The following CTNNA2 variants were observed in gnomAD, a reference collection of about 807,000 sequenced individuals.
The protein encoded by CTNNA2 is catenin alpha 2.
CTNNA2 carries 42 observed loss-of-function variants against 101.0 expected under a neutral mutation model. The ratio of observed to expected loss-of-function variants is 0.42; its 90% CI spans 0.32 to 0.54. The LOEUF is 0.54. Among genes scored for constraint, CTNNA2 ranks in the 20% least tolerant of loss-of-function variants. The probability of loss-of-function intolerance (pLI) is 0.14; values close to 1 mark genes in which losing one functional copy is unlikely to be tolerated. For synonymous variants in CTNNA2, 450 were observed against 456.4 expected (o/e 0.99, Z 0.18); for missense variants, 871 against 1,223.1 (o/e 0.71, Z 4.29).
intron 7 of CTNNA2, among the ~76,000 whole-genome samples, chr2:80,326,783 G>C (rs1235762092): frequency 6.6e-6 from 1 of 152,048 alleles, no homozygotes; most frequent in Non-Finnish European, 1.5e-5. Flanking sequence ...AGGAAGATGG[G>C]TTTGATTAGA....
chr2:79,817,084 G>A (rs1677566726), intron 3 of CTNNA2, among the ~76,000 whole-genome samples: 1 of 151,340 alleles, frequency 6.6e-6, no homozygotes, highest in East Asian at 1.9e-4. Flanking sequence ...TGTGCCCAAC[G>A]TGCAGGTTTG....
At chr2:80,494,397 T>C (rs1170977198) in intron 9 of CTNNA2, among the ~76,000 whole-genome samples, 1 of 152,116 alleles carries the variant, frequency 6.6e-6, no homozygotes, top group Non-Finnish European at 1.5e-5. Flanking sequence ...CCAAATACAT[T>C]CATGAAAAGA....
intron 2 of CTNNA2, among the ~76,000 whole-genome samples, chr2:79,240,600 AT>A (rs1674614434): frequency 6.6e-6 from 1 of 152,182 alleles, no homozygotes. Context: ...GATCAAAGGA[AT>A]GATCATAATT....
intron 4 of CTNNA2, among the ~76,000 whole-genome samples, chr2:79,400,759 C>T (rs2198159): frequency 0.79 from 119,292 of 151,700 alleles, 47,062 homozygotes; most frequent in East Asian, 0.93. Flanking sequence ...CAAAAACTTA[C>T]CAAATTTTAT....
chr2:80,568,024 T>C (rs1694217912), intron 12 of CTNNA2, among the ~76,000 whole-genome samples: 1 of 152,172 alleles, frequency 6.6e-6, no homozygotes, highest in Admixed American at 6.5e-5. Flanking sequence ...TCACCACAGT[T>C]GGGTGACCCC....
intron 7 of CTNNA2, among the ~76,000 whole-genome samples, chr2:80,331,481 G>A (rs1025143489): frequency 3.3e-5 from 5 of 152,148 alleles, no homozygotes; most frequent in Non-Finnish European, 7.3e-5. Context: ...TCCAGTAACA[G>A]AGATGCTCAG....
intron 4 of CTNNA2, among the ~76,000 whole-genome samples, chr2:79,494,132 G>C (rs1573191794): frequency 6.6e-6 from 1 of 152,044 alleles, no homozygotes; most frequent in African/African-American, 2.4e-5. Flanking sequence ...TGCAATATTT[G>C]AATTCTGAAT....
chr2:79,355,060 G>A (rs534793572), intron 3 of CTNNA2, among the ~76,000 whole-genome samples: 1 of 151,978 alleles, frequency 6.6e-6, no homozygotes, highest in Admixed American at 6.6e-5. Context: ...TCTATTTTAG[G>A]GCTCTCTATC....
At chr2:80,271,312 G>A (rs909200303) in intron 7 of CTNNA2, among the ~76,000 whole-genome samples, 6 of 152,118 alleles carry the variant, frequency 3.9e-5, no homozygotes, top group African/African-American at 1.2e-4. Flanking sequence ...AGTGTGCAAT[G>A]TGCCCAGTTG....
chr2:79,501,296 T>C (rs1043342571), intron 4 of CTNNA2, among the ~76,000 whole-genome samples: 6 of 152,310 alleles, frequency 3.9e-5, no homozygotes, highest in South Asian at 2.1e-4. Flanking sequence ...ATTTATTTGT[T>C]AGATATGGAG....
At chr2:79,273,111 T>A (rs75266638) in intron 2 of CTNNA2, among the ~76,000 whole-genome samples, 2,404 of 152,136 alleles carry the variant, frequency 0.016, 49 homozygotes, top group East Asian at 0.061. Context: ...ACAAAGTATT[T>A]CTTTACCATG....
At chr2:80,622,240 G>T (rs576132751) in intron 18 of CTNNA2, among the ~76,000 whole-genome samples, 12 of 151,994 alleles carry the variant, frequency 7.9e-5, no homozygotes, top group African/African-American at 2.7e-4. Context: ...CAGGCATTTG[G>T]TCAGTTACAC....
chr2:79,376,683 T>C (rs1266572075), intron 4 of CTNNA2, among the ~76,000 whole-genome samples: 1 of 152,084 alleles, frequency 6.6e-6, no homozygotes, highest in African/African-American at 2.4e-5. Flanking sequence ...CCCCTTGCTG[T>C]GTCCATGTGT....
At chr2:80,161,379 G>A (rs1037951332) in intron 7 of CTNNA2, among the ~76,000 whole-genome samples, 33 of 151,812 alleles carry the variant, frequency 2.2e-4, no homozygotes, top group African/African-American at 6.5e-4. Flanking sequence ...CAGTACGAAC[G>A]CTGTGGTATT....
Position 79,338,578 on chromosome 2 carries a change from ATCTTCT to A in CTNNA2, c.-318+25842_-318+25847del, listed in dbSNP as rs70940029. Among the ~76,000 whole-genome samples the A allele has an allele frequency of 4.4e-3, 518 of 117,782 alleles. 4 individuals carry two copies. Among genetic ancestry groups the A allele is most frequent in the East Asian group, 0.021 (86 of 4,052 alleles). 77.3% of individuals were successfully genotyped at this position (117,782 alleles called of 152,430 possible). On this transcript the variant is annotated intron_variant, in intron 3 of 21. Transcript: ENST00000466387. ...TTTCTTCTTCTTCTTCCTCCTCATC[ATCTTCT>A]TCTTCTTCTTCTTCTTCTTCTTCTT...
intron 7 of CTNNA2, among the ~76,000 whole-genome samples, chr2:79,997,932 G>A (rs1358216265): frequency 1.3e-5 from 2 of 152,154 alleles, no homozygotes; most frequent in African/African-American, 4.8e-5. Flanking sequence ...GTGCTTTCCT[G>A]CTTAGAAAGA....
At chr2:80,287,561 C>G (rs1674881235) in intron 7 of CTNNA2, among the ~76,000 whole-genome samples, 1 of 152,170 alleles carries the variant, frequency 6.6e-6, no homozygotes, top group South Asian at 2.1e-4. Flanking sequence ...AGTAATAACA[C>G]TTACTGAATA....
intron 2 of CTNNA2, among the ~76,000 whole-genome samples, chr2:79,294,181 G>A (rs1675907630): frequency 6.7e-6 from 1 of 150,032 alleles, no homozygotes. Flanking sequence ...CAGAGAGAGA[G>A]AGAGAAAGAG....
chr2:80,123,385 G>A (rs1701949053), intron 7 of CTNNA2, among the ~76,000 whole-genome samples: 1 of 151,702 alleles, frequency 6.6e-6, no homozygotes, highest in Admixed American at 6.6e-5. Flanking sequence ...GAAAGGGCAA[G>A]GAAGAACATC....
Sources: allele counts gnomAD v4.1 joint callset (sites outside exome capture counted in the v4.1 genomes callset), GRCh38; gene constraint gnomAD v4.1.1; transcripts MANE v1.5; gene names NCBI Gene and HGNC (gene_info 2026-07-23, HGNC 2026-07-21).